RNF213: variants seen among roughly 807,000 people sequenced by gnomAD.
RNF213 encodes ring finger protein 213, also known as E3 ubiquitin-protein ligase RNF213.
Under a neutral mutation model 514.4 loss-of-function variants are expected in RNF213, and 341 were observed. The ratio of observed to expected loss-of-function variants is 0.66; its 90% CI spans 0.61 to 0.73. RNF213 has a LOEUF of 0.73. Ranked by LOEUF, RNF213 falls within the 30% of genes least tolerant of loss-of-function variation. The pLI is 0.00. For synonymous variants in RNF213, 2,655 were observed against 2,658.2 expected (o/e 1.00, Z 0.04); for missense variants, 5,767 against 6,615.6 (o/e 0.87, Z 4.45).
chr17:80,367,897 G>A (rs762182653), intron 43 of RNF213, 49 bp downstream of exon 43: 18 of 1,613,446 alleles, frequency 1.1e-5, no homozygotes, highest in South Asian at 4.4e-5. Flanking sequence ...TGAACCTCTC[G>A]TGGTTTTCAC....
chr17:80,325,407 T>C (rs1046485957), intron 18 of RNF213, among the ~76,000 whole-genome samples: 2 of 152,100 alleles, frequency 1.3e-5, no homozygotes, highest in Non-Finnish European at 2.9e-5. Flanking sequence ...CCACTATTCA[T>C]TGAATGCTTG....
chr17:80,283,277 C>T (rs1043196539), intron 3 of RNF213, among the ~76,000 whole-genome samples: 1 of 152,036 alleles, frequency 6.6e-6, no homozygotes, highest in Non-Finnish European at 1.5e-5. Context: ...GGTGGCAGTT[C>T]ACACGGGAAG....
chr17:80,388,674 G>C lies in RNF213; in HGVS notation c.14985G>C (p.Lys4995Asn). 1 of 1,610,788 alleles carries C rather than the reference G, an allele frequency of 6.2e-7. No individual in the cohort carries two copies. The highest frequency in any genetic ancestry group is 8.5e-7 in the Non-Finnish European group (1 of 1,177,630). Residue 4995 changes from lysine to asparagine, a missense_variant, in exon 64 of 68, where the codon AAG becomes AAC. Physicochemically the swap from Lys to Asn is moderately conservative, Grantham distance 94. Transcript: ENST00000582970. Reference sequence around the variant, plus strand: ...ATGAACATCTCTTTATGGACATCAAGAACAAAATGGCACAGGTGATCCCGA... The same window carrying C: ...ATGAACATCTCTTTATGGACATCAACAACAAAATGGCACAGGTGATCCCGA... ...WNYEHLFMDI[K>N]NKMAQDSLPS...
chr17:80,298,562 T>G, intron 11 of RNF213, 44 bp downstream of exon 11: 1 of 1,609,584 alleles, frequency 6.2e-7, no homozygotes, highest in Non-Finnish European at 8.5e-7. Context: ...CTGGGAAGAC[T>G]GACTCCTACA....
In RNF213 at chr17:80,390,841, T is replaced by G. The variant is rs186814177; in HGVS notation, c.15470+645T>G. On this transcript the variant is annotated intron_variant, in intron 67 of 67. Transcript: ENST00000582970. ...ACTTTGGGAGGCCGAGGTGGGTGGA[T>G]CACCTGAGGTCAGGAGTTCAAGACC... Among the ~76,000 whole-genome samples the G allele has an allele frequency of 1.3e-4, 19 of 151,842 alleles. No individual in the cohort carries two copies. The East Asian group carries it at 3.7e-3, about 30-fold the overall frequency.
chr17:80,319,174 C>G lies in RNF213; in HGVS notation c.2902-16C>G, dbSNP rs373760480. On this transcript the variant is annotated splice_polypyrimidine_tract_variant and intron_variant, in intron 16 of 67. Transcript: ENST00000582970. ...CATCCGAAAGCTCTGAAACCACCCCCCTTTGATTTTTGCAGGAGGAACCCC... is the reference window on the plus strand; with the variant it reads ...CATCCGAAAGCTCTGAAACCACCCCGCTTTGATTTTTGCAGGAGGAACCCC... The G allele has an allele frequency of 2.4e-5, 38 of 1,614,026 alleles. 1 individual carries two copies. The highest frequency in any genetic ancestry group is 1.2e-4 in the South Asian group (11 of 91,058).
intron 11 of RNF213, among the ~76,000 whole-genome samples, chr17:80,303,116 C>T (rs1283628487): frequency 6.6e-6 from 1 of 152,188 alleles, no homozygotes; most frequent in Non-Finnish European, 1.5e-5. Flanking sequence ...CAGCACTGCT[C>T]AAAACAGACA....
chr17:80,368,190 T>C lies in RNF213; in HGVS notation c.12155+47T>C, dbSNP rs1448347019. On this transcript the variant is annotated intron_variant, in intron 44 of 67. Transcript: ENST00000582970. ...GAAAGCATCCTTTTTTTCATTTTCC[T>C]TTTTTGGCAAACACAATATTCAGAA... The C allele has an allele frequency of 5.0e-6, 8 of 1,589,734 alleles. No homozygotes were observed. In the African/African-American group the frequency reaches 8.1e-5, roughly 16 times the overall value.
chr17:80,375,749 T>C lies in RNF213; in HGVS notation c.13075-11T>C. 9.5e-6 allele frequency: 15 copies of C among 1,585,120 alleles called. No homozygotes were observed. The highest frequency in any genetic ancestry group is 1.1e-5 in the South Asian group (1 of 90,504). ...CTTTTAAATTCTTACTTGATACCCT[T>C]GATTTTGCAGGCCTGCAAGACCCCC... On this transcript the variant is annotated splice_polypyrimidine_tract_variant and intron_variant, in intron 50 of 67. Transcript: ENST00000582970.
At chr17:80,388,936 G>A (rs1416055528) in intron 64 of RNF213, 10 of 621,582 alleles carry the variant, frequency 1.6e-5, no homozygotes, top group East Asian at 1.1e-4. Context: ...CTGCTGAAGC[G>A]GGAAGTCCAT....
Position 80,340,285 on chromosome 17 carries a change from C to A in RNF213, c.5918C>A (p.Thr1973Asn), listed in dbSNP as rs748459923. The change falls in exon 26 of 68, where the codon ACC becomes AAC. Residue 1973 changes from threonine to asparagine, a missense_variant. Physicochemically the swap from Thr to Asn is moderately conservative, Grantham distance 65 (BLOSUM62 0). This residue lies in a region of RNF213 where 1,377 missense variants were observed against 1,635.2 expected (regional missense o/e 0.84). Transcript: ENST00000582970. ...LAGHYRVPKQTLSAAAVFNDR... is the reference protein window; with the variant it reads ...LAGHYRVPKQNLSAAAVFNDR... Reference sequence around the variant, plus strand: ...GGTCACTACCGGGTCCCGAAGCAGACCCTGTCGGCGGCAGCCGTGTTCAAT... The same window carrying A: ...GGTCACTACCGGGTCCCGAAGCAGAACCTGTCGGCGGCAGCCGTGTTCAAT... The A allele has an allele frequency of 3.7e-6, 6 of 1,614,034 alleles. No homozygotes were observed. The South Asian group carries it at 5.5e-5, about 15-fold the overall frequency.
chr17:80,266,289 AAG>A (rs1310132142), intron 2 of RNF213, among the ~76,000 whole-genome samples: 21 of 151,430 alleles, frequency 1.4e-4, no homozygotes, highest in South Asian at 8.3e-4. Context: ...AAAAAAAAAA[AAG>A]AAAAAAAAAT....
chr17:80,345,651 G>A lies in RNF213; in HGVS notation c.7316G>A (p.Gly2439Asp), dbSNP rs775822796. 6.2e-7 allele frequency: 1 copy of A among 1,614,126 alleles called. No individual in the cohort carries two copies. Among genetic ancestry groups the A allele is most frequent in the Non-Finnish European group, 8.5e-7 (1 of 1,180,058 alleles). Reference sequence around the variant, plus strand: ...AAATTCCTTAGCGACCTGCGGCGTGGTGGTACCAATGCTGACACCATAAAG... The same window carrying A: ...AAATTCCTTAGCGACCTGCGGCGTGATGGTACCAATGCTGACACCATAAAG... Reference protein sequence around the residue: ...LIKFLSDLRRGGTNADTIKLV... With the variant: ...LIKFLSDLRRDGTNADTIKLV... The change falls in exon 29 of 68, where the codon GGT becomes GAT. Residue 2439 changes from glycine (G) to aspartate (D), a missense_variant. Gly to Asp is a moderately conservative substitution (Grantham distance 94). Transcript: ENST00000582970. This position sits in a 1 kb window ranked among gnomAD's most constrained non-coding sequence, Gnocchi z 6.0.
At chr17:80,362,028 C>T (rs1428793570) in intron 39 of RNF213, 140 bp downstream of exon 39, 38 of 992,036 alleles carry the variant, frequency 3.8e-5, no homozygotes, top group African/African-American at 3.2e-5. Context: ...CGAAGGGTGC[C>T]GGTGGGTGAA....
rs550614557 is a variant in RNF213, at chr17:80,328,227, T to C, written c.3368-101T>C. 1.1e-4 allele frequency: 143 copies of C among 1,358,220 alleles called. No homozygotes were observed. The Middle Eastern group carries it at 1.3e-3, about 12-fold the overall frequency. 84.1% of individuals were successfully genotyped at this position (1,358,220 alleles called of 1,614,324 possible). ...GTATGCGCAAAACCATCCTAGTCCT[T>C]CTCCTGGTGGCGGGGAAGGTGCGGC... On this transcript the variant is annotated intron_variant, in intron 19 of 67. Coordinates refer to ENST00000582970, the MANE Select transcript of RNF213 (RefSeq NM_001256071.3).
chr17:80,285,712 T>G (rs1425727832), intron 3 of RNF213, among the ~76,000 whole-genome samples: 2 of 151,062 alleles, frequency 1.3e-5, no homozygotes, highest in Non-Finnish European at 3.0e-5. Context: ...GCTCTATTGC[T>G]CAGGCTGGAG....
At chr17:80,389,071 CG>C (rs1817164317) in intron 64 of RNF213, 101 bp from the exon 65 acceptor site, 2 of 1,129,166 alleles carry the variant, frequency 1.8e-6, no homozygotes, top group Admixed American at 3.5e-5. Context: ...GTTGGCCCCC[CG>C]CATGTGGCTT....
At chr17:80,355,915 C>T (rs960822310) in intron 36 of RNF213, among the ~76,000 whole-genome samples, 8 of 152,062 alleles carry the variant, frequency 5.3e-5, no homozygotes, top group African/African-American at 1.9e-4. Flanking sequence ...AGTTATCCTT[C>T]GTTTCTCTCC....
At position 80,353,772 on chromosome 17, in the gene RNF213, C is replaced by A; in HGVS notation, c.10578+106C>A. The A allele has an allele frequency of 6.7e-7, 1 of 1,484,782 alleles. No individual in the cohort carries two copies. 92.0% of individuals were successfully genotyped at this position (1,484,782 alleles called of 1,614,324 possible). On this transcript the variant is annotated intron_variant, in intron 34 of 67. Transcript: ENST00000582970. The surrounding 1 kb of genome is among the most constrained non-coding windows in gnomAD (Gnocchi z 5.0). ...AGCTAGAGGAGTCGCCGCCGCTGTG[C>A]AGGGGTGAGGATGGCGCCCCACTTT...
Sources: allele counts gnomAD v4.1 joint callset (sites outside exome capture counted in the v4.1 genomes callset), GRCh38; gene constraint gnomAD v4.1.1; regional missense constraint gnomAD v4.1.1; non-coding constraint Gnocchi (gnomAD v3.1); transcripts MANE v1.5; gene names NCBI Gene and HGNC (gene_info 2026-07-23, HGNC 2026-07-21).